Variants in LAMA5 observed in about 807,000 individuals in gnomAD.
The protein encoded by LAMA5 is laminin subunit alpha 5, also known as laminin subunit alpha-5.
LAMA5 carries 260 observed loss-of-function variants against 433.4 expected under a neutral mutation model. The ratio of observed to expected loss-of-function variants is 0.60; its 90% CI spans 0.54 to 0.66. The LOEUF (loss-of-function observed/expected upper bound fraction) is 0.66, where lower values mean the gene tolerates loss of function less well. LAMA5 is among the 30% of genes least tolerant of loss of function. LAMA5 has a pLI of 0.00. For missense variants in LAMA5, 5,378 were observed against 5,258.5 expected, an observed-to-expected ratio of 1.02 and a Z score of -0.70; for synonymous variants, 2,620 against 2,226.6, an observed-to-expected ratio of 1.18 and a Z score of -4.97.
At chr20:62,321,051 G>A (rs1987647521) in intron 48 of LAMA5, among the ~76,000 whole-genome samples, 161 bp from the exon 49 acceptor site, 1 of 151,442 alleles carries the variant, frequency 6.6e-6, no homozygotes, top group African/African-American at 2.4e-5. Flanking sequence ...AGTTCTGGCA[G>A]AGTCATAGGG....
In LAMA5 at chr20:62,328,868, A is replaced by G; in HGVS notation, c.4423T>C (p.Tyr1475His). 1 of 1,611,248 alleles carries G rather than the reference A, an allele frequency of 6.2e-7. No individual in the cohort carries two copies. The highest frequency in any genetic ancestry group is 2.2e-5 in the East Asian group (1 of 44,864). ...CGCCTGCAGTTGGGGAAGCCCCAGT[A>G]TCCGGTGGCACAGCGGGAGCAGTCA... ...GRDCSRCATG[Y>H]WGFPNCRPCD... Residue 1475 changes from tyrosine to histidine, a missense_variant, in exon 34 of 80, where the codon TAC becomes CAC. Tyr to His is a moderately conservative substitution (Grantham distance 83). Transcript: ENST00000252999.
chr20:62,324,337 C>T lies in LAMA5; in HGVS notation c.5643+104G>A, dbSNP rs1978874369. On this transcript the variant is annotated intron_variant, in intron 42 of 79. Transcript: ENST00000252999. This position sits in a 1 kb window ranked among gnomAD's most constrained non-coding sequence, Gnocchi z 4.4. Reference sequence around the variant, plus strand: ...GTCCCCCACTGGGCAACACCCTTCCCCAGACCTCAGTTGACCTGGAAGTGC... The same window carrying T: ...GTCCCCCACTGGGCAACACCCTTCCTCAGACCTCAGTTGACCTGGAAGTGC... 1 of 1,436,300 alleles carries T rather than the reference C, an allele frequency of 7.0e-7. No homozygotes were observed. Among genetic ancestry groups the T allele is most frequent in the Non-Finnish European group, 9.6e-7 (1 of 1,044,626 alleles). The allele number at this position is 1,436,300 out of a possible 1,614,324, so 89.0% of individuals were successfully genotyped here.
intron 28 of LAMA5, among the ~76,000 whole-genome samples, chr20:62,331,530 C>T (rs1000137079): frequency 3.9e-5 from 6 of 152,146 alleles, no homozygotes; most frequent in Admixed American, 1.3e-4. Flanking sequence ...CCCTCCCATC[C>T]GTCACTGTTC....
rs1330986167 is a variant in LAMA5 at position 62,309,659 on chromosome 20, A to AG, written c.10948+56_10948+57insC. 8 of 416,636 alleles carry AG rather than the reference A, an allele frequency of 1.9e-5. No homozygotes were observed. The Admixed American group carries it at 6.3e-4, about 33-fold the overall frequency. 25.8% of individuals were successfully genotyped at this position (416,636 alleles called of 1,614,324 possible). A position where few individuals can be genotyped will look rare whatever the true frequency, so the allele number is the denominator to read the frequency against. ...AGGGGTGGGGGGAGGGTGGTAGGTT[A>AG]CGCAGCACCTAGTCCTGAGGGGCAG... is the stretch of plus-strand genomic sequence containing the variant. On this transcript the variant is annotated intron_variant, in intron 79 of 79. Coordinates refer to ENST00000252999, the MANE Select transcript of LAMA5 (RefSeq NM_005560.6).
At chr20:62,336,809 C>T (rs751264853) in intron 16 of LAMA5, 23 bp from the exon 17 acceptor site, 14 of 1,610,702 alleles carry the variant, frequency 8.7e-6, no homozygotes, top group African/African-American at 4.0e-5. Flanking sequence ...GACCATGCCT[C>T]GGTCATTTCC....
At chr20:62,360,023 C>A (rs1295668924) in intron 2 of LAMA5, among the ~76,000 whole-genome samples, 1 of 150,784 alleles carries the variant, frequency 6.6e-6, no homozygotes, top group Non-Finnish European at 1.5e-5. Context: ...CCGGACCCAC[C>A]CGCCGCTCAG....
intron 15 of LAMA5, 29 bp downstream of exon 15, chr20:62,337,775 T>C: frequency 6.2e-7 from 1 of 1,609,424 alleles, no homozygotes; most frequent in Non-Finnish European, 8.5e-7. Flanking sequence ...TGCACCTGCC[T>C]CCCCACCACT....
intron 2 of LAMA5, chr20:62,355,588 T>TGGGGG (rs1366243269): frequency 2.0e-5 from 3 of 151,376 alleles, no homozygotes; most frequent in Non-Finnish European, 2.9e-5. Context: ...CCTTCCGGGG[T>TGGGGG]TGGGGCGGGG....
Position 62,346,568 on chromosome 20 carries a change from C to T in LAMA5, c.1220G>A (p.Arg407His), listed in dbSNP as rs1179496113. ...AGAGCGGTAGAAGCCGGGCAGGCAGCGCTCACAGTTGACGCCGGTGGTGTG... is the reference window on the plus strand; with the variant it reads ...AGAGCGGTAGAAGCCGGGCAGGCAGTGCTCACAGTTGACGCCGGTGGTGTG... Reference protein sequence around the residue: ...QHHTTGVNCERCLPGFYRSPN... With the variant: ...QHHTTGVNCEHCLPGFYRSPN... Residue 407 changes from arginine to histidine, a missense_variant, in exon 9 of 80, where the codon CGC becomes CAC. Physicochemically the swap from Arg to His is conservative, Grantham distance 29 (BLOSUM62 0). Transcript: ENST00000252999. The T allele has an allele frequency of 4.4e-6, 7 of 1,576,132 alleles. No homozygotes were observed. The highest frequency in any genetic ancestry group is 1.4e-5 in the African/African-American group (1 of 73,970).
rs1335083811 is a variant in LAMA5, at chr20:62,367,135, C to T, written c.111G>A (p.Glu37=). 3.9e-6 allele frequency: 5 copies of T among 1,271,916 alleles called. No individual in the cohort carries two copies. In the African/African-American group the frequency reaches 4.7e-5, roughly 12 times the overall value. 78.8% of individuals were successfully genotyped at this position (1,271,916 alleles called of 1,614,324 possible). A position where few individuals can be genotyped will look rare whatever the true frequency, so the allele number is the denominator to read the frequency against. ...GCAGGCTGAAGCCGCCGCCCGCCTC[C>T]TCCCGCGCCCGCGCCGCGCCCAGCA... The part of the protein sequence containing the change: ...LALLGAARAR[E]EAGGGFSLHP... The change falls in exon 1 of 80, where the codon GAG becomes GAA. Residue 37 remains glutamate, a synonymous_variant. Transcript: ENST00000252999.
At position 62,359,051 on chromosome 20, in the gene LAMA5, C is replaced by A. The variant is rs1020438622; in HGVS notation, c.450+3349G>T. ...CCCCACACCTTGACCCCCACCTGGG[C>A]CTCCCCATTTGCCCTGCAGCTCTGG... On this transcript the variant is annotated intron_variant, in intron 2 of 79. Transcript: ENST00000252999. The surrounding 1 kb of genome is among the most constrained non-coding windows in gnomAD (Gnocchi z 4.3). Among the ~76,000 whole-genome samples the A allele has an allele frequency of 6.6e-6, 1 of 152,118 alleles. No homozygotes were observed. The highest frequency in any genetic ancestry group is 2.1e-4 in the South Asian group (1 of 4,832).
Position 62,315,936 on chromosome 20 carries a change from G to A in LAMA5, c.7867+12C>T. 4 of 1,573,756 alleles carry A rather than the reference G, an allele frequency of 2.5e-6. No individual in the cohort carries two copies. The highest frequency in any genetic ancestry group is 3.4e-6 in the Non-Finnish European group (4 of 1,162,092). On this transcript the variant is annotated intron_variant, in intron 58 of 79. Coordinates refer to ENST00000252999, the MANE Select transcript of LAMA5 (RefSeq NM_005560.6). The stretch of plus-strand genomic sequence containing the variant: ...CGGCCGGCTGCGAGAGCCGGGCCCA[G>A]GCTCCGCATACCTGTGTCCATGGCA...
Position 62,311,970 on chromosome 20 carries a change from G to T in LAMA5, c.9585C>A (p.Gly3195=), listed in dbSNP as rs760238151. 3 of 1,612,700 alleles carry T rather than the reference G, an allele frequency of 1.9e-6. No individual in the cohort carries two copies. Among genetic ancestry groups the T allele is most frequent in the Non-Finnish European group, 2.5e-6 (3 of 1,179,904 alleles). ...LLRTEVKTQA[G]FADGAPHYVA... is the part of the protein sequence containing the mutation. ...CGTAATGGGGGGCACCATCGGCGAA[G>T]CCCGCTTGAGTTTTCACTTCAGTCC... Residue 3195 remains glycine (G), a synonymous_variant, in exon 70 of 80, where the codon GGC becomes GGA. Transcript: ENST00000252999.
intron 11 of LAMA5, among the ~76,000 whole-genome samples, chr20:62,342,704 A>C (rs912449559): frequency 2.0e-5 from 3 of 152,138 alleles, no homozygotes; most frequent in Non-Finnish European, 4.4e-5. Flanking sequence ...AACAAAAAAA[A>C]AAGAAAAGAA....
At chr20:62,316,582 C>T (rs1160529223) in intron 57 of LAMA5, 89 bp downstream of exon 57, 2 of 1,024,744 alleles carry the variant, frequency 2.0e-6, no homozygotes, top group East Asian at 2.7e-5. Flanking sequence ...CCCACAAACC[C>T]CACGTGTGCA....
chr20:62,341,848 GAAGAAGA>G (rs1568958746), intron 11 of LAMA5, among the ~76,000 whole-genome samples: 2 of 116,050 alleles, frequency 1.7e-5, no homozygotes, highest in Non-Finnish European at 1.8e-5. Flanking sequence ...AAAAAAAAAA[GAAGAAGA>G]AAGAAAATAA....
Position 62,309,129 on chromosome 20 carries a change from CAATT to C in LAMA5, c.*203_*206del. 1.6e-6 allele frequency: 1 copy of C among 624,354 alleles called. No individual in the cohort carries two copies. The allele number at this position is 624,354 out of a possible 1,614,324, so 38.7% of individuals were successfully genotyped here. On this transcript the variant is annotated 3_prime_UTR_variant, in exon 80 of 80. Transcript: ENST00000252999. ...GTGATGATTGGTGACAAATCTCTCA[CAATT>C]AAAAATGGGTGGAAGGGCCAAATAT...
chr20:62,327,739 C>T, intron 36 of LAMA5, 70 bp from the exon 37 acceptor site: 1 of 1,593,580 alleles, frequency 6.3e-7, no homozygotes, highest in Non-Finnish European at 8.6e-7. Flanking sequence ...CTGGTACCCA[C>T]CTGCCAATGG....
In LAMA5 at chr20:62,352,906, C is replaced by T. The variant is rs1016203830; in HGVS notation, c.568+228G>A. On this transcript the variant is annotated intron_variant, in intron 3 of 79. Transcript: ENST00000252999. ...TCCAGAGGCAGCCAAGAGATGGCAC[C>T]AGAGATTCCTGGCGCCACAGCCCCT... The T allele has an allele frequency of 1.6e-5, 8 of 495,690 alleles. No individual in the cohort carries two copies. The Admixed American group carries it at 3.0e-4, about 18-fold the overall frequency. The allele number at this position is 495,690 out of a possible 1,614,324, so 30.7% of individuals were successfully genotyped here. A position where few individuals can be genotyped will look rare whatever the true frequency, so the allele number is the denominator to read the frequency against.
Sources: allele counts gnomAD v4.1 joint callset (sites outside exome capture counted in the v4.1 genomes callset), GRCh38; gene constraint gnomAD v4.1.1; non-coding constraint Gnocchi (gnomAD v3.1); transcripts MANE v1.5; gene names NCBI Gene and HGNC (gene_info 2026-07-23, HGNC 2026-07-21).